The following SETX variants were observed in gnomAD, a reference collection of about 807,000 sequenced individuals.
SETX encodes senataxin, also known as helicase senataxin.
A neutral mutation model predicts 227.2 loss-of-function variants in SETX; 90 were observed. The observed-to-expected ratio is 0.40, with a 90% CI of 0.33 to 0.47. The LOEUF is 0.47. Ranked by LOEUF, SETX falls within the 20% of genes least tolerant of loss-of-function variation. SETX has a pLI of 0.91. For synonymous variants in SETX, 1,210 were observed against 1,113.2 expected (o/e 1.09, Z -1.73); for missense variants, 3,052 against 3,181.5 (o/e 0.96, Z 0.98).
chr9:132,346,830 C>A (rs1207020695), intron 3 of SETX, among the ~76,000 whole-genome samples: 1 of 151,900 alleles, frequency 6.6e-6, no homozygotes, highest in Admixed American at 6.6e-5. Flanking sequence ...TGGTGCATGC[C>A]TACAGTCCTA....
In SETX at chr9:132,264,390, T is replaced by C; in HGVS notation, c.7883A>G (p.Glu2628Gly). Residue 2628 changes from glutamate to glycine, a missense_variant, in exon 26 of 26, where the codon GAG becomes GGG. Glu to Gly is a moderately conservative substitution (Grantham distance 98). Coordinates refer to ENST00000224140, the MANE Select transcript of SETX (RefSeq NM_015046.7). ...CCTGGCCTCTCTCCTGTGACAGAGC[T>C]CCTCTTCCGGGTCATCACATTTGCT... ...CQSKCDDPEEELCHRREARAF... is the reference protein window; with the variant it reads ...CQSKCDDPEEGLCHRREARAF... The C allele has an allele frequency of 6.2e-7, 1 of 1,614,160 alleles. No homozygotes were observed. Among genetic ancestry groups the C allele is most frequent in the Non-Finnish European group, 8.5e-7 (1 of 1,180,026 alleles).
At position 132,262,226 on chromosome 9, in the gene SETX, C is replaced by A. The variant is rs533340935; in HGVS notation, c.*2013G>T. On this transcript the variant is annotated 3_prime_UTR_variant, in exon 26 of 26. Coordinates refer to ENST00000224140, the MANE Select transcript of SETX (RefSeq NM_015046.7). Reference sequence around the variant, plus strand: ...AATAATATTGTTCAGTGTGTGGCGGCAAAATATGCATTTTAGAGAAAACTT... The same window carrying A: ...AATAATATTGTTCAGTGTGTGGCGGAAAAATATGCATTTTAGAGAAAACTT... 6.6e-6 allele frequency: 1 copy of A among 152,242 alleles called. No homozygotes were observed. The highest frequency in any genetic ancestry group is 1.9e-4 in the East Asian group (1 of 5,188). The allele number at this position is 152,242 out of a possible 1,614,324, so 9.4% of individuals were successfully genotyped here. A position where few individuals can be genotyped will look rare whatever the true frequency, so the allele number is the denominator to read the frequency against.
intron 10 of SETX, among the ~76,000 whole-genome samples, chr9:132,324,019 A>T (rs781442400): frequency 3.3e-5 from 5 of 152,238 alleles, no homozygotes. Context: ...AATGGGCCAG[A>T]TAGAAATCTT....
intron 2 of SETX, among the ~76,000 whole-genome samples, chr9:132,352,390 G>GAC (rs1848646428): frequency 6.6e-6 from 1 of 152,130 alleles, no homozygotes; most frequent in Non-Finnish European, 1.5e-5. Context: ...CTTTCTGGGC[G>GAC]GCCTACTTCA....
intron 15 of SETX, among the ~76,000 whole-genome samples, chr9:132,293,984 AC>A (rs1446220325): frequency 6.6e-6 from 1 of 152,112 alleles, no homozygotes; most frequent in Non-Finnish European, 1.5e-5. Flanking sequence ...AGATCGCGCC[AC>A]TGCACTCCAG....
intron 11 of SETX, 138 bp from the exon 12 acceptor site, chr9:132,300,941 G>T: frequency 1.5e-6 from 1 of 661,660 alleles, no homozygotes; most frequent in Non-Finnish European, 2.4e-6. Flanking sequence ...ACTTTAAAAT[G>T]GTAATCTAAT....
At chr9:132,346,233 T>C in intron 4 of SETX, 28 bp downstream of exon 4, 1 of 1,548,278 alleles carries the variant, frequency 6.5e-7, no homozygotes, top group South Asian at 1.1e-5. Context: ...AAAACTGATA[T>C]AACTTGAGGA....
intron 14 of SETX, 58 bp downstream of exon 14, chr9:132,296,824 TAACTC>T (rs1390443400): frequency 1.4e-5 from 20 of 1,441,208 alleles, no homozygotes; most frequent in Non-Finnish European, 1.5e-5. Context: ...ACATGTCAGT[TAACTC>T]AAGTAAAGTA....
intron 25 of SETX, among the ~76,000 whole-genome samples, chr9:132,269,118 C>T (rs1642518217): frequency 6.6e-6 from 1 of 152,246 alleles, no homozygotes. Flanking sequence ...AAGTTGGAAA[C>T]TCGTACACCT....
chr9:132,304,692 G>A (rs570554178), intron 11 of SETX, among the ~76,000 whole-genome samples: 4 of 151,896 alleles, frequency 2.6e-5, no homozygotes, highest in African/African-American at 4.8e-5. Context: ...AACCACAACC[G>A]GGAAGGAAAA....
intron 17 of SETX, 23 bp from the exon 18 acceptor site, chr9:132,286,517 C>T (rs1434677791): frequency 6.4e-7 from 1 of 1,555,016 alleles, no homozygotes. Flanking sequence ...TCAAATGTCA[C>T]AATTAAAACT....
At chr9:132,331,848 A>G (rs576529060) in intron 7 of SETX, among the ~76,000 whole-genome samples, 104 of 152,340 alleles carry the variant, frequency 6.8e-4, no homozygotes, top group African/African-American at 2.4e-3. Flanking sequence ...ACAGAAAAGA[A>G]GAGGAAAAAA....
rs1845676133 is a variant in SETX at position 132,311,745 on chromosome 9, G to GA, written c.5374+11dup. 3 of 1,584,866 alleles carry GA rather than the reference G, an allele frequency of 1.9e-6. No individual in the cohort carries two copies. Among genetic ancestry groups the GA allele is most frequent in the Non-Finnish European group, 2.6e-6 (3 of 1,154,720 alleles). ...ATATCATATATTCCAAGTTGCGTAA[G>GA]AAAAAACTTACCTGCAAACTCCCAG... On this transcript the variant is annotated intron_variant, in intron 11 of 25. Transcript: ENST00000224140.
Position 132,288,199 on chromosome 9 carries a change from G to A in SETX, c.6324+37C>T, listed in dbSNP as rs367834014. On this transcript the variant is annotated intron_variant, in intron 17 of 25. Coordinates refer to ENST00000224140, the MANE Select transcript of SETX (RefSeq NM_015046.7). ...TCAAAAAAAACTTGTTAACTAGTTC[G>A]TATACCTGAGTTATTATTCAAGAAA... 3.2e-5 allele frequency: 50 copies of A among 1,539,812 alleles called. No individual in the cohort carries two copies. The African/African-American group carries it at 4.6e-4, about 14-fold the overall frequency.
chr9:132,333,410 T>A (rs866790954), intron 7 of SETX, among the ~76,000 whole-genome samples: 1,416 of 96,306 alleles, frequency 0.015, 142 homozygotes, highest in African/African-American at 0.034. Flanking sequence ...AAAAAAAAAA[T>A]ATATATACAC....
At chr9:132,353,808 T>C (rs1015449900) in intron 1 of SETX, 53 bp from the exon 2 acceptor site, 1 of 152,188 alleles carries the variant, frequency 6.6e-6, no homozygotes, top group Non-Finnish European at 1.5e-5. Flanking sequence ...ATACTCTATA[T>C]CCCATCTGAG....
intron 10 of SETX, among the ~76,000 whole-genome samples, chr9:132,324,576 GTTATCTGATCTCTCCA>G (rs1386472449): frequency 6.6e-6 from 1 of 152,176 alleles, no homozygotes; most frequent in East Asian, 1.9e-4. Flanking sequence ...GCTCATAGAG[GTTATCTGATCTCTCCA>G]GAAAGTGCCC....
At chr9:132,333,354 G>C (rs1339148798) in intron 7 of SETX, among the ~76,000 whole-genome samples, 1 of 142,108 alleles carries the variant, frequency 7.0e-6, no homozygotes, top group African/African-American at 2.6e-5. Flanking sequence ...CTCCAGCCTG[G>C]GTGAGAGAGA....
chr9:132,335,930 T>TCC (rs1327012476), intron 6 of SETX, among the ~76,000 whole-genome samples: 1 of 152,094 alleles, frequency 6.6e-6, no homozygotes, highest in Non-Finnish European at 1.5e-5. Context: ...AGAGAACACT[T>TCC]CCCTTTTAGG....
Sources: gnomAD v4.1 joint callset for allele counts (sites outside exome capture counted in the v4.1 genomes callset) on GRCh38, gnomAD v4.1.1 for gene constraint, MANE v1.5 for transcripts, NCBI Gene and HGNC (gene_info 2026-07-23, HGNC 2026-07-21) for gene names.